MGRN1: variants seen among roughly 807,000 people sequenced by gnomAD.
MGRN1 encodes E3 ubiquitin-protein ligase MGRN1.
A neutral mutation model predicts 69.2 loss-of-function variants in MGRN1; 29 were observed. That is an observed-to-expected ratio of 0.42 (90% CI 0.31 to 0.57). The LOEUF (loss-of-function observed/expected upper bound fraction) is 0.57. Ranked by LOEUF, MGRN1 falls within the 20% of genes least tolerant of loss-of-function variation. MGRN1 has a pLI of 0.15. For missense variants in MGRN1, 998 were observed against 796.2 expected (o/e 1.25, Z -3.05); for synonymous variants, 470 against 344.2 (o/e 1.37, Z -4.04).
chr16:4,655,486 C>T (rs2078514784), intron 4 of MGRN1, among the ~76,000 whole-genome samples: 1 of 151,898 alleles, frequency 6.6e-6, no homozygotes, highest in African/African-American at 2.4e-5. Context: ...GCTCCAGTGC[C>T]ACTGTCCCCC....
At chr16:4,664,563 CT>C in intron 5 of MGRN1, 145 bp from the exon 6 acceptor site, 1 of 766,282 alleles carries the variant, frequency 1.3e-6, no homozygotes, top group Non-Finnish European at 2.2e-6. Flanking sequence ...TGGCATCCGC[CT>C]TCCCTGCCAT....
intron 1 of MGRN1, chr16:4,633,525 C>G (rs887304088): frequency 2.0e-5 from 3 of 147,018 alleles, no homozygotes; most frequent in African/African-American, 7.6e-5. Flanking sequence ...AGCCCCATCT[C>G]TACTAAAAAT....
At chr16:4,687,419 C>T (rs1262661964) in intron 16 of MGRN1, 1 of 900,166 alleles carries the variant, frequency 1.1e-6, no homozygotes, top group Non-Finnish European at 1.3e-6. Flanking sequence ...GTAGCTTGTG[C>T]CTGTGGTCCC....
intron 9 of MGRN1, 99 bp downstream of exon 9, chr16:4,671,558 C>A (rs1384779090): frequency 9.9e-6 from 11 of 1,109,394 alleles, no homozygotes; most frequent in Non-Finnish European, 1.5e-5. Context: ...ATGCCTTCCC[C>A]TGGAGTCCTA....
At position 4,683,137 on chromosome 16, in the gene MGRN1, C is replaced by T. The variant is rs2079226920; in HGVS notation, c.1483-87C>T. 8.3e-6 allele frequency: 13 copies of T among 1,568,864 alleles called. No homozygotes were observed. The South Asian group carries it at 8.9e-5, about 11-fold the overall frequency. ...CCCTGGTGGAGCGGCTGTGCGGTCCCGGGAGGGCCGTGCCTGATGGCGGCT... is the reference window on the plus strand; with the variant it reads ...CCCTGGTGGAGCGGCTGTGCGGTCCTGGGAGGGCCGTGCCTGATGGCGGCT... On this transcript the variant is annotated intron_variant, in intron 14 of 16. Coordinates refer to ENST00000262370, the MANE Select transcript of MGRN1 (RefSeq NM_015246.4).
chr16:4,665,376 T>C (rs1274194217), intron 7 of MGRN1, among the ~76,000 whole-genome samples: 3 of 151,496 alleles, frequency 2.0e-5, no homozygotes, highest in East Asian at 3.9e-4. Context: ...TTTTTTTTTT[T>C]TCTTTCCTGA....
rs956813862 is a variant in MGRN1 at position 4,688,710 on chromosome 16, C to A, written c.1619-86C>A. On this transcript the variant is annotated intron_variant, in intron 16 of 16. Transcript: ENST00000262370. ...GAGTGGGGGTGCTGGATGGCCCAGCCCCTCTGGGGCTCCAGATCGGTAGGA... is the reference window on the plus strand; with the variant it reads ...GAGTGGGGGTGCTGGATGGCCCAGCACCTCTGGGGCTCCAGATCGGTAGGA... 3.4e-6 allele frequency: 5 copies of A among 1,473,244 alleles called. No individual in the cohort carries two copies. The African/African-American group carries it at 5.6e-5, about 17-fold the overall frequency. The allele number at this position is 1,473,244 out of a possible 1,614,324, so 91.3% of individuals were successfully genotyped here. A position where few individuals can be genotyped will look rare whatever the true frequency, so the allele number is the denominator to read the frequency against.
chr16:4,660,427 T>C (rs1003759951), intron 5 of MGRN1, among the ~76,000 whole-genome samples: 3 of 152,250 alleles, frequency 2.0e-5, no homozygotes, highest in Admixed American at 1.3e-4. Context: ...CCCCAGACCG[T>C]TGGTTTTTAT....
intron 9 of MGRN1, among the ~76,000 whole-genome samples, chr16:4,673,095 C>T (rs534984846): frequency 2.0e-5 from 3 of 152,338 alleles, no homozygotes; most frequent in Admixed American, 1.3e-4. Context: ...GCCTCAGCCT[C>T]CCAAAGTGCT....
At position 4,673,370 on chromosome 16, in the gene MGRN1, C is replaced by G. The variant is rs1596308095; in HGVS notation, c.796-128C>G. 7.0e-6 allele frequency: 9 copies of G among 1,283,814 alleles called. No homozygotes were observed. In the South Asian group the frequency reaches 8.3e-5, roughly 12 times the overall value. 79.5% of individuals were successfully genotyped at this position (1,283,814 alleles called of 1,614,324 possible). On this transcript the variant is annotated intron_variant, in intron 9 of 16. Transcript: ENST00000262370. ...CTCTGGGGCAACCTCCCCCTCCCCT[C>G]TGGACTTCTCTTTGTCATGACAGCC...
In MGRN1 at chr16:4,652,039, TG is replaced by T; in HGVS notation, c.285del (p.Arg96GlyfsTer3). ...CTGGTGAACATCCGCAAAGACTCCC[TG>T]CGGCTGGTGAGGTAACTTCACCCTG... ...RSLVNIRKDSLRLVRYKDDAD... is the reference protein window; with the variant it reads ...RSLVNIRKDSXRLVRYKDDAD... On this transcript the variant is annotated frameshift_variant, in exon 3 of 17. Transcript: ENST00000262370. LOFTEE classifies it high-confidence loss of function. 1 of 1,613,906 alleles carries T rather than the reference TG, an allele frequency of 6.2e-7. No individual in the cohort carries two copies. Among genetic ancestry groups the T allele is most frequent in the Non-Finnish European group, 8.5e-7 (1 of 1,179,864 alleles).
At position 4,673,706 on chromosome 16, in the gene MGRN1, C is replaced by T. The variant is rs377265718; in HGVS notation, c.955+49C>T. On this transcript the variant is annotated intron_variant, in intron 10 of 16. Transcript: ENST00000262370. ...TGTGGAAGGTTCTGGAAATTAGGGA[C>T]TGGCCACACCACGGTGGTCCTGGGA... 2.5e-6 allele frequency: 4 copies of T among 1,598,464 alleles called. No individual in the cohort carries two copies. In the African/African-American group the frequency reaches 4.0e-5, roughly 16 times the overall value.
chr16:4,680,438 C>T (rs1312715998), intron 12 of MGRN1: 3 of 287,046 alleles, frequency 1.0e-5, no homozygotes, highest in East Asian at 9.8e-5. Context: ...AATCGCGCCC[C>T]GCGCATGCTT....
At chr16:4,637,439 C>CA (rs367604754) in intron 1 of MGRN1, among the ~76,000 whole-genome samples, 12 of 148,202 alleles carry the variant, frequency 8.1e-5, no homozygotes, top group African/African-American at 2.2e-4. Context: ...AAGAAAAAAA[C>CA]AAAAAAAAAA....
chr16:4,663,834 G>C (rs933021688), intron 5 of MGRN1, among the ~76,000 whole-genome samples: 6 of 152,226 alleles, frequency 3.9e-5, no homozygotes, highest in African/African-American at 1.4e-4. Flanking sequence ...GGGGCCCTGG[G>C]GGCCGTGGGG....
Position 4,656,677 on chromosome 16 carries a change from T to G in MGRN1, c.444-569T>G, listed in dbSNP as rs566893101. The stretch of plus-strand genomic sequence containing the variant: ...AGGTGCATCACTTGAGGTCAGGAGT[T>G]CGAGACCAGCTTGGCCAACATGGTG... On this transcript the variant is annotated intron_variant, in intron 4 of 16. Coordinates refer to ENST00000262370, the MANE Select transcript of MGRN1 (RefSeq NM_015246.4). 2.6e-5 allele frequency among the ~76,000 whole-genome samples: 4 copies of G among 152,184 alleles called. No individual in the cohort carries two copies. In the East Asian group the frequency reaches 7.7e-4, roughly 29 times the overall value.
At chr16:4,676,307 G>A (rs1372560162) in intron 10 of MGRN1, among the ~76,000 whole-genome samples, 1 of 152,218 alleles carries the variant, frequency 6.6e-6, no homozygotes, top group African/African-American at 2.4e-5. Flanking sequence ...GGGCAGGGGT[G>A]GGCTGTCTAG....
chr16:4,637,077 C>G (rs918725611), intron 1 of MGRN1, among the ~76,000 whole-genome samples: 1 of 144,958 alleles, frequency 6.9e-6, no homozygotes, highest in African/African-American at 2.6e-5. Flanking sequence ...CAAGATTGCG[C>G]CACTGCACGC....
At chr16:4,672,247 A>G (rs560790395) in intron 9 of MGRN1, among the ~76,000 whole-genome samples, 5 of 151,772 alleles carry the variant, frequency 3.3e-5, no homozygotes, top group African/African-American at 7.3e-5. Flanking sequence ...GGGTTTCACT[A>G]TGTTGGCCAG....
Sources: gnomAD v4.1 joint callset for allele counts (sites outside exome capture counted in the v4.1 genomes callset) on GRCh38, gnomAD v4.1.1 for gene constraint, MANE v1.5 for transcripts, NCBI Gene and HGNC (gene_info 2026-07-23, HGNC 2026-07-21) for gene names.